The following ADGRB3 variants were observed in gnomAD, a reference collection of about 807,000 sequenced individuals.
ADGRB3 encodes the protein adhesion G protein-coupled receptor B3.
ADGRB3 carries 37 observed loss-of-function variants against 193.4 expected under a neutral mutation model. That is an observed-to-expected ratio of 0.19 (90% confidence interval 0.15 to 0.25). The LOEUF is 0.25. ADGRB3 is among the 10% of genes least tolerant of loss of function. ADGRB3 has a pLI of 1.00. For missense variants in ADGRB3, 1,637 were observed against 1,852.9 expected, an observed-to-expected ratio of 0.88 and a Z score of 2.14; for synonymous variants, 690 against 644.2, an observed-to-expected ratio of 1.07 and a Z score of -1.08.
chr6:69,033,646 T>C (rs1423227763), intron 13 of ADGRB3, among the ~76,000 whole-genome samples: 8 of 152,196 alleles, frequency 5.3e-5, no homozygotes, highest in Non-Finnish European at 7.4e-5. Context: ...ATGTGGCATA[T>C]GTACATGAGA....
intron 3 of ADGRB3, among the ~76,000 whole-genome samples, chr6:68,811,613 CA>C (rs1274633555): frequency 1.4e-4 from 22 of 151,980 alleles, no homozygotes; most frequent in African/African-American, 5.3e-4. Context: ...GAATTACAGG[CA>C]TACACCACCA....
chr6:69,299,814 A>G (rs899854884), intron 20 of ADGRB3, among the ~76,000 whole-genome samples: 2 of 151,852 alleles, frequency 1.3e-5, no homozygotes, highest in Admixed American at 6.6e-5. Flanking sequence ...GTCAGGTAGC[A>G]TGATACCTCC....
intron 17 of ADGRB3, among the ~76,000 whole-genome samples, chr6:69,200,449 A>G (rs911090894): frequency 6.6e-6 from 1 of 152,096 alleles, no homozygotes; most frequent in Non-Finnish European, 1.5e-5. Context: ...GTAAAGGGAG[A>G]TCTGTGTCTT....
intron 17 of ADGRB3, among the ~76,000 whole-genome samples, chr6:69,078,164 A>G (rs1478185283): frequency 6.6e-6 from 1 of 152,030 alleles, no homozygotes; most frequent in Non-Finnish European, 1.5e-5. Context: ...GATTGCAGTA[A>G]TAAAGTTCAA....
Position 69,028,025 on chromosome 6 carries a change from G to A in ADGRB3, c.2107+9526G>A, listed in dbSNP as rs188445443. ...ACCCAAATCCTTGCTCCTGTGGTTT[G>A]AGCCCATTTGATTTTTACTATTCTC... On this transcript the variant is annotated intron_variant, in intron 13 of 31. Coordinates refer to ENST00000370598, the MANE Select transcript of ADGRB3 (RefSeq NM_001704.3). Among the ~76,000 whole-genome samples the A allele has an allele frequency of 1.9e-3, 283 of 152,256 alleles. 4 individuals are homozygous for A. Among genetic ancestry groups the A allele is most frequent in the Admixed American group, 5.0e-3 (77 of 15,292 alleles).
chr6:68,719,895 A>G (rs1765547725), intron 3 of ADGRB3, among the ~76,000 whole-genome samples: 1 of 151,522 alleles, frequency 6.6e-6, no homozygotes, highest in South Asian at 2.1e-4. Flanking sequence ...GGCATGGGGG[A>G]GTGATAAGGG....
At chr6:68,828,665 C>CTGAA (rs869240153) in intron 3 of ADGRB3, among the ~76,000 whole-genome samples, 2 of 10,728 alleles carry the variant, frequency 1.9e-4, no homozygotes, top group African/African-American at 2.1e-3. Flanking sequence ...AACAATGTGG[C>CTGAA]TAATATTTTC....
intron 3 of ADGRB3, among the ~76,000 whole-genome samples, chr6:68,675,964 A>C (rs1582115820): frequency 6.6e-6 from 1 of 152,218 alleles, no homozygotes; most frequent in East Asian, 1.9e-4. Flanking sequence ...AATTACATAT[A>C]TCACTATTTA....
At chr6:68,820,784 C>T (rs1010432117) in intron 3 of ADGRB3, among the ~76,000 whole-genome samples, 1 of 151,978 alleles carries the variant, frequency 6.6e-6, no homozygotes, top group African/African-American at 2.4e-5. Context: ...GCTTATTTAA[C>T]AAACTTTTTT....
chr6:69,371,603 T>G (rs909451752), intron 29 of ADGRB3, among the ~76,000 whole-genome samples: 2 of 152,142 alleles, frequency 1.3e-5, no homozygotes, highest in African/African-American at 4.8e-5. Flanking sequence ...CTAAGAATAC[T>G]TTATACTAAT....
intron 29 of ADGRB3, among the ~76,000 whole-genome samples, chr6:69,364,325 C>T (rs1398183618): frequency 6.6e-6 from 1 of 151,780 alleles, no homozygotes; most frequent in Non-Finnish European, 1.5e-5. Flanking sequence ...AAAAAGAAAG[C>T]CAAAAAGAGT....
chr6:69,314,014 G>A (rs1209512310), intron 20 of ADGRB3, among the ~76,000 whole-genome samples: 1 of 151,518 alleles, frequency 6.6e-6, no homozygotes, highest in African/African-American at 2.4e-5. Context: ...TTGAATTCTT[G>A]GCCTTATTTA....
At chr6:69,228,092 C>G (rs1270631348) in intron 17 of ADGRB3, among the ~76,000 whole-genome samples, 1 of 152,028 alleles carries the variant, frequency 6.6e-6, no homozygotes, top group Admixed American at 6.6e-5. Flanking sequence ...CCTGTCTCTA[C>G]TAAAAATACA....
chr6:69,385,897 C>T (rs1456507649), intron 31 of ADGRB3, among the ~76,000 whole-genome samples: 3 of 151,966 alleles, frequency 2.0e-5, no homozygotes, highest in Non-Finnish European at 4.4e-5. Flanking sequence ...GACGATGAGT[C>T]GCTCCTGGGT....
At chr6:69,108,070 G>T (rs62406778) in intron 17 of ADGRB3, among the ~76,000 whole-genome samples, 1 of 151,000 alleles carries the variant, frequency 6.6e-6, no homozygotes, top group Non-Finnish European at 1.5e-5. Context: ...AAAGTCAGCC[G>T]AAGAAGAACG....
At chr6:68,799,172 TAATAA>T (rs1767267437) in intron 3 of ADGRB3, among the ~76,000 whole-genome samples, 1 of 152,130 alleles carries the variant, frequency 6.6e-6, no homozygotes, top group African/African-American at 2.4e-5. Flanking sequence ...AAAAAAAAGA[TAATAA>T]AATATTAAAA....
chr6:68,733,224 T>C lies in ADGRB3; in HGVS notation c.757+93792T>C, dbSNP rs1256497083. Among the ~76,000 whole-genome samples, 5 of 148,372 alleles carry C rather than the reference T, an allele frequency of 3.4e-5. No homozygotes were observed. In the East Asian group the frequency reaches 9.9e-4, roughly 29 times the overall value. ...TCAGTGGTGGATTGGATAAAGAAAA[T>C]TATATCTATATATATATAAAATATA... On this transcript the variant is annotated intron_variant, in intron 3 of 31. Transcript: ENST00000370598.
At chr6:69,021,058 T>C (rs1770249394) in intron 13 of ADGRB3, among the ~76,000 whole-genome samples, 1 of 151,922 alleles carries the variant, frequency 6.6e-6, no homozygotes, top group Non-Finnish European at 1.5e-5. Flanking sequence ...CTGTCTTACA[T>C]TCTAAGTCCA....
chr6:68,746,694 G>C (rs1013534066), intron 3 of ADGRB3, among the ~76,000 whole-genome samples: 1 of 151,354 alleles, frequency 6.6e-6, no homozygotes, highest in Non-Finnish European at 1.5e-5. Flanking sequence ...CTTGTCCCTG[G>C]TCTGTAGTTT....
Sources: allele counts gnomAD v4.1 joint callset (sites outside exome capture counted in the v4.1 genomes callset), GRCh38; gene constraint gnomAD v4.1.1; transcripts MANE v1.5; gene names NCBI Gene and HGNC (gene_info 2026-07-23, HGNC 2026-07-21).